The following MEIS1 variants were observed in gnomAD, a reference collection of about 807,000 sequenced individuals.
MEIS1 encodes the protein homeobox protein Meis1.
Under a neutral mutation model 50.8 loss-of-function variants are expected in MEIS1, and 5 were observed. The observed-to-expected ratio is 0.10, with a 90% CI of 0.05 to 0.21. The LOEUF (loss-of-function observed/expected upper bound fraction) is 0.21. Among genes scored for constraint, MEIS1 ranks in the 10% least tolerant of loss-of-function variants. The pLI, the probability that MEIS1 is intolerant of heterozygous loss-of-function variation, is 1.00. For missense variants in MEIS1, 318 were observed against 517.3 expected (o/e 0.61, Z 3.74); for synonymous variants, 176 against 179.3 (o/e 0.98, Z 0.15).
In MEIS1 at chr2:66,457,122, T is replaced by C. The variant is rs531957164; in HGVS notation, c.631-6987T>C. 1.6e-3 allele frequency among the ~76,000 whole-genome samples: 240 copies of C among 151,632 alleles called. 2 individuals carry two copies. Among genetic ancestry groups the C allele is most frequent in the Middle Eastern group, 6.8e-3 (2 of 294 alleles). ...CAAAACAAAACATACTGCCTAAACT[T>C]GTTGTGGTTAAATGAATTTTGCTTA... is the stretch of plus-strand genomic sequence containing the variant. On this transcript the variant is annotated intron_variant, in intron 6 of 12. Transcript: ENST00000272369.
At chr2:66,441,283 T>C (rs1208709507) in intron 4 of MEIS1, 131 bp from the exon 5 acceptor site, 1 of 707,862 alleles carries the variant, frequency 1.4e-6, no homozygotes, top group Admixed American at 3.7e-5. Flanking sequence ...TATTAAGTTT[T>C]AGTGTTATTG....
rs555628781 is a variant in MEIS1 at position 66,512,581 on chromosome 2, T to G, written c.888+287T>G. Reference sequence around the variant, plus strand: ...AGTATGTGTTTTAATGATGTTGCTTTTCTAAGTGTGACCCTTAAGTGCTCA... The same window carrying G: ...AGTATGTGTTTTAATGATGTTGCTTGTCTAAGTGTGACCCTTAAGTGCTCA... On this transcript the variant is annotated intron_variant, in intron 8 of 12. Coordinates refer to ENST00000272369, the MANE Select transcript of MEIS1 (RefSeq NM_002398.3). Among the ~76,000 whole-genome samples, 49 of 152,338 alleles carry G rather than the reference T, an allele frequency of 3.2e-4. 1 individual carries two copies. Among genetic ancestry groups the G allele is most frequent in the African/African-American group, 1.1e-3 (47 of 41,584 alleles).
intron 9 of MEIS1, among the ~76,000 whole-genome samples, chr2:66,552,047 A>ACG (rs1189451595): frequency 3.9e-5 from 6 of 151,900 alleles, no homozygotes; most frequent in Non-Finnish European, 8.8e-5. Context: ...ACACACACAC[A>ACG]CACACACACA....
intron 4 of MEIS1, chr2:66,441,035 T>C (rs1428818028): frequency 3.2e-6 from 1 of 317,102 alleles, no homozygotes; most frequent in African/African-American, 2.2e-5. Context: ...AACTTTGCAA[T>C]GGGAAAAGCC....
chr2:66,440,982 C>A, intron 4 of MEIS1: 1 of 348,896 alleles, frequency 2.9e-6, no homozygotes, highest in African/African-American at 2.1e-5. Context: ...ACAAGAGCCC[C>A]CAAACAACCA....
At chr2:66,559,720 T>A (rs1675164402) in intron 9 of MEIS1, among the ~76,000 whole-genome samples, 1 of 152,214 alleles carries the variant, frequency 6.6e-6, no homozygotes, top group East Asian at 1.9e-4. Context: ...TCTAAACCAC[T>A]ATTTTTTTTA....
chr2:66,568,513 T>TGGTGG, intron 10 of MEIS1, 154 bp from the exon 11 acceptor site: 2 of 463,366 alleles, frequency 4.3e-6, no homozygotes, highest in South Asian at 2.5e-5. Context: ...GTAGATCTAG[T>TGGTGG]CTGAGAGAAA....
chr2:66,524,816 G>A (rs1490185552), intron 8 of MEIS1, among the ~76,000 whole-genome samples: 2 of 151,872 alleles, frequency 1.3e-5, no homozygotes, highest in African/African-American at 4.8e-5. Context: ...TTTTAACTGA[G>A]GTATAACAAG....
Position 66,437,754 on chromosome 2 carries a change from T to C in MEIS1, c.30T>C (p.His10=). The C allele has an allele frequency of 1.9e-6, 3 of 1,613,858 alleles. No individual in the cohort carries two copies. The highest frequency in any genetic ancestry group is 2.5e-6 in the Non-Finnish European group (3 of 1,179,858). The change falls in exon 2 of 13, where the codon CAT becomes CAC. Residue 10 remains histidine (H), a synonymous_variant. Transcript: ENST00000272369. Reference sequence around the variant, plus strand: ...TCATGCAGTACGACGATCTACCCCATTACGGGGGCATGGATGGAGTAGGCA... The same window carrying C: ...TCATGCAGTACGACGATCTACCCCACTACGGGGGCATGGATGGAGTAGGCA... MAQRYDDLP[H]YGGMDGVGIP... is the part of the protein sequence containing the mutation.
chr2:66,547,246 A>T (rs1338793720), intron 8 of MEIS1, among the ~76,000 whole-genome samples: 1 of 152,228 alleles, frequency 6.6e-6, no homozygotes, highest in African/African-American at 2.4e-5. Flanking sequence ...CTAATCCTGT[A>T]ATACTTTTAT....
intron 7 of MEIS1, among the ~76,000 whole-genome samples, chr2:66,493,201 C>T (rs1473732156): frequency 2.6e-5 from 4 of 152,178 alleles, no homozygotes; most frequent in African/African-American, 9.7e-5. Context: ...GAAATGCTGG[C>T]ATTTACTTTT....
rs571471048 is a variant in MEIS1, at chr2:66,436,380, A to G, written c.12+512A>G. On this transcript the variant is annotated intron_variant, in intron 1 of 12. Transcript: ENST00000272369. Reference sequence around the variant, plus strand: ...GTAATTTCAATTTGTATAGACTTGTATACAAGGCAATATTTTGCAAGTTTC... The same window carrying G: ...GTAATTTCAATTTGTATAGACTTGTGTACAAGGCAATATTTTGCAAGTTTC... Among the ~76,000 whole-genome samples, 19 of 152,348 alleles carry G rather than the reference A, an allele frequency of 1.2e-4. No homozygotes were observed. In the South Asian group the frequency reaches 3.5e-3, roughly 28 times the overall value.
intron 8 of MEIS1, among the ~76,000 whole-genome samples, chr2:66,543,840 A>G (rs1014916503): frequency 1.3e-5 from 2 of 152,246 alleles, no homozygotes; most frequent in African/African-American, 4.8e-5. Context: ...TAATAGCATG[A>G]GGCTAATGTA....
intron 7 of MEIS1, among the ~76,000 whole-genome samples, chr2:66,495,660 A>C (rs576828165): frequency 2.0e-5 from 3 of 152,176 alleles, no homozygotes; most frequent in African/African-American, 7.2e-5. Context: ...TGCATGGCAG[A>C]TGAGGAAAAT....
intron 7 of MEIS1, among the ~76,000 whole-genome samples, chr2:66,511,801 G>A (rs974369658): frequency 6.6e-6 from 1 of 152,218 alleles, no homozygotes; most frequent in African/African-American, 2.4e-5. Context: ...GCTAATGACT[G>A]CCACCATGTT....
In MEIS1 at chr2:66,573,232, C is replaced by T. The variant is rs1042280755; in HGVS notation, c.*2024C>T. On this transcript the variant is annotated 3_prime_UTR_variant, in exon 13 of 13. Transcript: ENST00000272369. ...TAACCAATTTTCCAGAACAGCTGTACAAGATTTCTGCATGGCAGCCGGCTA... is the reference window on the plus strand; with the variant it reads ...TAACCAATTTTCCAGAACAGCTGTATAAGATTTCTGCATGGCAGCCGGCTA... 6.6e-6 allele frequency: 1 copy of T among 152,060 alleles called. No homozygotes were observed. The highest frequency in any genetic ancestry group is 2.1e-4 in the South Asian group (1 of 4,810). The allele number at this position is 152,060 out of a possible 1,614,324, so 9.4% of individuals were successfully genotyped here.
Position 66,465,334 on chromosome 2 carries a change from G to A in MEIS1, c.742+1114G>A, listed in dbSNP as rs540449769. Reference sequence around the variant, plus strand: ...GTTGCTGACTTCATCACAACTATAAGCCTAGTAAAAACGGAGCCCAGAATA... The same window carrying A: ...GTTGCTGACTTCATCACAACTATAAACCTAGTAAAAACGGAGCCCAGAATA... On this transcript the variant is annotated intron_variant, in intron 7 of 12. Transcript: ENST00000272369. 2.0e-5 allele frequency among the ~76,000 whole-genome samples: 3 copies of A among 152,310 alleles called. No homozygotes were observed. In the East Asian group the frequency reaches 5.8e-4, roughly 29 times the overall value.
chr2:66,559,372 C>G (rs1306533399), intron 9 of MEIS1, among the ~76,000 whole-genome samples: 1 of 152,178 alleles, frequency 6.6e-6, no homozygotes, highest in Non-Finnish European at 1.5e-5. Context: ...CCTCTTCACT[C>G]TCAAACGTGT....
intron 7 of MEIS1, among the ~76,000 whole-genome samples, chr2:66,470,964 G>A (rs1672748619): frequency 6.6e-6 from 1 of 152,180 alleles, no homozygotes; most frequent in Non-Finnish European, 1.5e-5. Context: ...CTCAAAAAAT[G>A]AGCTTTTCAT....
Sources: allele counts gnomAD v4.1 joint callset (sites outside exome capture counted in the v4.1 genomes callset), GRCh38; gene constraint gnomAD v4.1.1; transcripts MANE v1.5; gene names NCBI Gene and HGNC (gene_info 2026-07-23, HGNC 2026-07-21).